The following DPYSL2 variants were observed in gnomAD, a reference collection of about 807,000 sequenced individuals.
DPYSL2 encodes the protein dihydropyrimidinase like 2.
In DPYSL2, 13 loss-of-function variants were observed where a neutral mutation model predicts 69.9. The observed-to-expected ratio is 0.19, with a 90% CI of 0.12 to 0.30. The LOEUF (loss-of-function observed/expected upper bound fraction) is 0.30, where lower values mean the gene tolerates loss of function less well. Among genes scored for constraint, DPYSL2 ranks in the 10% least tolerant of loss-of-function variants. The probability of loss-of-function intolerance (pLI) is 1.00; values close to 1 mark genes in which losing one functional copy is unlikely to be tolerated. For synonymous variants in DPYSL2, 326 were observed against 359.1 expected (o/e 0.91, Z 1.04); for missense variants, 587 against 918.9 (o/e 0.64, Z 4.67).
In DPYSL2 at chr8:26,605,856, G is replaced by A. The variant is rs1293010746; in HGVS notation, c.629-18287G>A. ...TTAGTGAACAGAAAAACCCAATACT[G>A]TAAAGAAGTGTATACTTTAGATTAA... On this transcript the variant is annotated intron_variant, in intron 3 of 13. Transcript: ENST00000521913. This position sits in a 1 kb window ranked among gnomAD's most constrained non-coding sequence, Gnocchi z 4.1. 6.6e-6 allele frequency among the ~76,000 whole-genome samples: 1 copy of A among 152,122 alleles called. No individual in the cohort carries two copies. Among genetic ancestry groups the A allele is most frequent in the Non-Finnish European group, 1.5e-5 (1 of 68,012 alleles).
chr8:26,618,299 G>A (rs1255043143), intron 3 of DPYSL2, among the ~76,000 whole-genome samples: 1 of 142,786 alleles, frequency 7.0e-6, no homozygotes, highest in East Asian at 2.2e-4. Context: ...GCCCTGCATG[G>A]TATGTGGTTT....
At chr8:26,577,736 G>C in intron 1 of DPYSL2, 2 of 901,564 alleles carry the variant, frequency 2.2e-6, no homozygotes, top group South Asian at 5.1e-5. Context: ...CTCCCAGCGC[G>C]GGCGCTCGCG....
At chr8:26,630,395 C>G (rs559363943) in intron 7 of DPYSL2, among the ~76,000 whole-genome samples, 1 of 152,122 alleles carries the variant, frequency 6.6e-6, no homozygotes, top group Admixed American at 6.5e-5. Context: ...GGCTTTGTTC[C>G]CAGGGCTTTG....
chr8:26,565,569 G>A lies in DPYSL2; in HGVS notation c.355-16400G>A, dbSNP rs922132588. On this transcript the variant is annotated intron_variant, in intron 1 of 13. Coordinates refer to ENST00000521913, the MANE Select transcript of DPYSL2 (RefSeq NM_001197293.3). The surrounding 1 kb of genome is among the most constrained non-coding windows in gnomAD (Gnocchi z 4.1). The stretch of plus-strand genomic sequence containing the variant: ...GGCCAAGGTCATGGGTCAGCAAAGT[G>A]AAGGAACTGAGGGTATGTGTGTATT... Among the ~76,000 whole-genome samples the A allele has an allele frequency of 7.3e-4, 111 of 152,174 alleles. 3 individuals are homozygous for A. Among genetic ancestry groups the A allele is most frequent in the Non-Finnish European group, 1.5e-5 (1 of 68,030 alleles).
intron 1 of DPYSL2, among the ~76,000 whole-genome samples, chr8:26,554,366 GTT>G (rs35311135): frequency 6.9e-6 from 1 of 145,970 alleles, no homozygotes; most frequent in Non-Finnish European, 1.5e-5. Context: ...GTTTTTAATG[GTT>G]TTTTTTTTTG....
chr8:26,553,678 C>T (rs368200748), intron 1 of DPYSL2, among the ~76,000 whole-genome samples: 19 of 152,154 alleles, frequency 1.2e-4, no homozygotes, highest in East Asian at 3.9e-4. Context: ...AGTGCTGCAA[C>T]GAATATACAC....
intron 7 of DPYSL2, among the ~76,000 whole-genome samples, chr8:26,629,578 G>A (rs1191142649): frequency 6.6e-6 from 1 of 152,172 alleles, no homozygotes; most frequent in Non-Finnish European, 1.5e-5. Flanking sequence ...GGCTGAAAGG[G>A]TGGCCTGGCA....
chr8:26,514,099 T>C lies in DPYSL2; in HGVS notation c.-227T>C, dbSNP rs1585481963. ...CTTTGCCGCTTCCCCGAGCTCGCGC[T>C]GTAGCCGCGGGGGGCGTGGGCAGGG... On this transcript the variant is annotated 5_prime_UTR_variant, in exon 1 of 14. Coordinates refer to ENST00000521913, the MANE Select transcript of DPYSL2 (RefSeq NM_001197293.3). This position sits in a 1 kb window ranked among gnomAD's most constrained non-coding sequence, Gnocchi z 8.4. The C allele has an allele frequency of 5.2e-6, 2 of 382,434 alleles. No individual in the cohort carries two copies. Among genetic ancestry groups the C allele is most frequent in the African/African-American group, 4.2e-5 (2 of 47,984 alleles). 23.7% of individuals were successfully genotyped at this position (382,434 alleles called of 1,614,324 possible). A position where few individuals can be genotyped will look rare whatever the true frequency, so the allele number is the denominator to read the frequency against.
intron 1 of DPYSL2, among the ~76,000 whole-genome samples, chr8:26,546,242 G>A (rs940852578): frequency 1.1e-4 from 17 of 152,228 alleles, no homozygotes; most frequent in African/African-American, 3.4e-4. Context: ...ATTTCATTTC[G>A]TGGGTGCTCA....
intron 1 of DPYSL2, among the ~76,000 whole-genome samples, chr8:26,546,869 C>A (rs182108015): frequency 2.4e-5 from 3 of 123,572 alleles, no homozygotes; most frequent in African/African-American, 9.2e-5. Context: ...TGCAGTGAGC[C>A]GAGATCGCGC....
chr8:26,593,301 AC>A lies in DPYSL2; in HGVS notation c.628+9320del. Among the ~76,000 whole-genome samples, 1 of 151,538 alleles carries A rather than the reference AC, an allele frequency of 6.6e-6. No individual in the cohort carries two copies. The highest frequency in any genetic ancestry group is 1.9e-4 in the East Asian group (1 of 5,164). ...AGTTGTAACAAAATGCAGAGACCAG[AC>A]CTTCTGACTTAATTGTTCTAGGTGG... On this transcript the variant is annotated intron_variant, in intron 3 of 13. Coordinates refer to ENST00000521913, the MANE Select transcript of DPYSL2 (RefSeq NM_001197293.3). This position sits in a 1 kb window ranked among gnomAD's most constrained non-coding sequence, Gnocchi z 5.7.
chr8:26,647,654 C>A lies in DPYSL2; in HGVS notation c.1450C>A (p.Gln484Lys), dbSNP rs1803197507. The A allele has an allele frequency of 6.2e-7, 1 of 1,613,376 alleles. No individual in the cohort carries two copies. The highest frequency in any genetic ancestry group is 8.5e-7 in the Non-Finnish European group (1 of 1,179,696). ...AVVTGKMDEN[Q>K]FVAVTSTNAA... is the part of the protein sequence containing the mutation. ...GGTCACTGGGAAGATGGATGAGAACCAGTTTGTGGCTGTGACCAGCACCAA... is the reference window on the plus strand; with the variant it reads ...GGTCACTGGGAAGATGGATGAGAACAAGTTTGTGGCTGTGACCAGCACCAA... Residue 484 changes from glutamine to lysine, a missense_variant, in exon 11 of 14, where the codon CAG (glutamine) becomes AAG (lysine). Gln to Lys is a moderately conservative substitution (Grantham distance 53, BLOSUM62 1). Around this residue, in one of 3 missense-constraint regions of DPYSL2, gnomAD observed 452 missense variants for 754.3 expected, o/e 0.60. Coordinates refer to ENST00000521913, the MANE Select transcript of DPYSL2 (RefSeq NM_001197293.3). The surrounding 1 kb of genome is among the most constrained non-coding windows in gnomAD (Gnocchi z 5.1).
chr8:26,548,495 C>G (rs1800817884), intron 1 of DPYSL2: 1 of 154,370 alleles, frequency 6.5e-6, no homozygotes, highest in African/African-American at 2.4e-5. Context: ...AGTCCCCTCT[C>G]TCACAGTAGA....
intron 3 of DPYSL2, among the ~76,000 whole-genome samples, chr8:26,603,242 G>C: frequency 6.6e-6 from 1 of 151,970 alleles, no homozygotes; most frequent in East Asian, 1.9e-4. Context: ...GCCCGATCTT[G>C]GCTCACTACA....
chr8:26,645,917 G>A (rs145331265), intron 10 of DPYSL2, among the ~76,000 whole-genome samples: 3,360 of 151,652 alleles, frequency 0.022, 104 homozygotes, highest in African/African-American at 0.074. Flanking sequence ...CCAGGCTGGA[G>A]TGCAATGGCG....
chr8:26,547,664 A>G (rs1160247639), intron 1 of DPYSL2: 1 of 162,116 alleles, frequency 6.2e-6, no homozygotes, highest in Non-Finnish European at 1.4e-5. Context: ...TTAATAAAGA[A>G]TCAGGACTAG....
rs1388000807 is a variant in DPYSL2 at position 26,514,677 on chromosome 8, C to G, written c.352C>G (p.Gln118Glu). 2 of 1,402,158 alleles carry G rather than the reference C, an allele frequency of 1.4e-6. No homozygotes were observed. The highest frequency in any genetic ancestry group is 1.9e-6 in the Non-Finnish European group (2 of 1,080,866). The allele number at this position is 1,402,158 out of a possible 1,614,324, so 86.9% of individuals were successfully genotyped here. A position where few individuals can be genotyped will look rare whatever the true frequency, so the allele number is the denominator to read the frequency against. ...AGAAGCCCTGCAGAACATCAACGAC[C>G]AGGTCGGTGTGGGGGTTGGGGGTGG... Reference protein sequence around the residue: ...GKEALQNINDQSDRLLIKGGK... With the variant: ...GKEALQNINDESDRLLIKGGK... Residue 118 changes from glutamine to glutamate, a missense_variant and splice_region_variant, in exon 1 of 14, where the codon CAG (glutamine) becomes GAG (glutamate). Gln to Glu is a conservative substitution (Grantham distance 29, BLOSUM62 2). Coordinates refer to ENST00000521913, the MANE Select transcript of DPYSL2 (RefSeq NM_001197293.3). The surrounding 1 kb of genome is among the most constrained non-coding windows in gnomAD (Gnocchi z 8.4).
chr8:26,518,167 G>T (rs747130186), intron 1 of DPYSL2, among the ~76,000 whole-genome samples: 3 of 152,188 alleles, frequency 2.0e-5, no homozygotes, highest in Non-Finnish European at 4.4e-5. Flanking sequence ...TAATAGACTA[G>T]CCTGTTAAAC....
chr8:26,598,502 T>C lies in DPYSL2; in HGVS notation c.628+14519T>C, dbSNP rs1801916933. The stretch of plus-strand genomic sequence containing the variant: ...GGAAGATCCATGTTGCTGTACTTAA[T>C]GCTTCATGTTTTAGAATGTTAGTGC... On this transcript the variant is annotated intron_variant, in intron 3 of 13. Transcript: ENST00000521913. The surrounding 1 kb of genome is among the most constrained non-coding windows in gnomAD (Gnocchi z 4.2). Among the ~76,000 whole-genome samples the C allele has an allele frequency of 6.6e-6, 1 of 152,230 alleles. No homozygotes were observed. The highest frequency in any genetic ancestry group is 1.5e-5 in the Non-Finnish European group (1 of 68,042).
Sources: allele counts gnomAD v4.1 joint callset (sites outside exome capture counted in the v4.1 genomes callset), GRCh38; gene constraint gnomAD v4.1.1; regional missense constraint gnomAD v4.1.1; non-coding constraint Gnocchi (gnomAD v3.1); transcripts MANE v1.5; gene names NCBI Gene and HGNC (gene_info 2026-07-23, HGNC 2026-07-21).